Variants in GTF3C1 observed in about 807,000 individuals in gnomAD.
GTF3C1 encodes general transcription factor IIIC subunit 1.
In GTF3C1, 57 loss-of-function variants were observed where a neutral mutation model predicts 226.7. That is an observed-to-expected ratio of 0.25 (90% CI 0.20 to 0.31). The LOEUF is 0.31. Ranked by LOEUF, GTF3C1 falls within the 10% of genes least tolerant of loss-of-function variation. GTF3C1 has a pLI of 1.00. For missense variants in GTF3C1, 2,217 were observed against 2,776.1 expected (o/e 0.80, Z 4.53); for synonymous variants, 1,090 against 1,084.8 (o/e 1.00, Z -0.09).
Position 27,471,157 on chromosome 16 carries a change from C to T in GTF3C1, c.4526+591G>A, listed in dbSNP as rs866597847. Among the ~76,000 whole-genome samples, 5 of 152,136 alleles carry T rather than the reference C, an allele frequency of 3.3e-5. No homozygotes were observed. The highest frequency in any genetic ancestry group is 5.9e-5 in the Non-Finnish European group (4 of 68,034). On this transcript the variant is annotated intron_variant, in intron 30 of 36. Coordinates refer to ENST00000356183, the MANE Select transcript of GTF3C1 (RefSeq NM_001520.4). The surrounding 1 kb of genome is among the most constrained non-coding windows in gnomAD (Gnocchi z 5.0). ...CTGCAGCCCCGTGCAGACCTGAGTG[C>T]GGGGAAGGAGAATGGTGTGAAGGGG...
At chr16:27,505,374 G>C (rs1032489050) in intron 10 of GTF3C1, among the ~76,000 whole-genome samples, 5 of 152,184 alleles carry the variant, frequency 3.3e-5, no homozygotes, top group Non-Finnish European at 7.4e-5. Context: ...ATTTGGGCCA[G>C]GAAATTCTCT....
intron 6 of GTF3C1, among the ~76,000 whole-genome samples, chr16:27,519,689 G>A (rs1342020344): frequency 6.6e-6 from 1 of 152,048 alleles, no homozygotes; most frequent in Non-Finnish European, 1.5e-5. Context: ...GAAAAAGAAA[G>A]AGGGCAAGAG....
chr16:27,504,627 C>T (rs1371360382), intron 10 of GTF3C1, among the ~76,000 whole-genome samples: 1 of 152,146 alleles, frequency 6.6e-6, no homozygotes, highest in African/African-American at 2.4e-5. Context: ...CTGAATGAAA[C>T]AGCAGTGGCC....
At chr16:27,486,264 T>C (rs938627689) in intron 23 of GTF3C1, 110 bp from the exon 24 acceptor site, 2 of 635,220 alleles carry the variant, frequency 3.1e-6, no homozygotes, top group Non-Finnish European at 2.8e-6. Flanking sequence ...ACTAATGGTA[T>C]TGGTTAGCAG....
intron 34 of GTF3C1, 198 bp downstream of exon 34, chr16:27,464,122 G>A: frequency 2.2e-6 from 1 of 454,618 alleles, no homozygotes; most frequent in East Asian, 3.5e-5. Context: ...GGATGTGGGA[G>A]GCCTGCCCTC....
At chr16:27,539,329 A>G (rs940253359) in intron 2 of GTF3C1, among the ~76,000 whole-genome samples, 11 of 152,120 alleles carry the variant, frequency 7.2e-5, no homozygotes, top group African/African-American at 2.7e-4. Context: ...GAATGCACCA[A>G]AAGAGGCCAA....
intron 24 of GTF3C1, among the ~76,000 whole-genome samples, chr16:27,485,755 C>T (rs1434974149): frequency 6.6e-6 from 1 of 152,198 alleles, no homozygotes; most frequent in Non-Finnish European, 1.5e-5. Flanking sequence ...GGTGGGATCA[C>T]TTGAGGCCAG....
intron 8 of GTF3C1, among the ~76,000 whole-genome samples, chr16:27,508,306 T>C (rs540085005): frequency 1.3e-5 from 2 of 152,352 alleles, no homozygotes; most frequent in East Asian, 1.9e-4. Flanking sequence ...CCACCATGCC[T>C]GGCACTTTTC....
At chr16:27,549,616 GC>G in intron 1 of GTF3C1, 53 bp downstream of exon 1, 3 of 833,522 alleles carry the variant, frequency 3.6e-6, no homozygotes, top group Non-Finnish European at 3.8e-6. Context: ...AGCTCCATCA[GC>G]CCCCGGGCCC....
chr16:27,487,057 T>C (rs138079912), intron 23 of GTF3C1, among the ~76,000 whole-genome samples: 1,778 of 152,320 alleles, frequency 0.012, 13 homozygotes, highest in Non-Finnish European at 0.021. Flanking sequence ...CATATGCCAC[T>C]GCCAATCTCA....
rs113936730 is a variant in GTF3C1, at chr16:27,507,022, C to T, written c.1377G>A (p.Ala459=). The T allele has an allele frequency of 1.6e-5, 26 of 1,613,914 alleles. No individual in the cohort carries two copies. Among genetic ancestry groups the T allele is most frequent in the East Asian group, 1.3e-4 (6 of 44,868 alleles). Reference sequence around the variant, plus strand: ...GCAGAAGCGACTCCTCCTGCATAGACGCCAGGCTCACGGTGGTCAAGAGCT... The same window carrying T: ...GCAGAAGCGACTCCTCCTGCATAGATGCCAGGCTCACGGTGGTCAAGAGCT... ...RSELLTTVSL[A]SMQEESLLPE... is the part of the protein sequence containing the mutation. The change falls in exon 9 of 37, where the codon GCG becomes GCA. Residue 459 remains alanine, a synonymous_variant. Coordinates refer to ENST00000356183, the MANE Select transcript of GTF3C1 (RefSeq NM_001520.4). This position sits in a 1 kb window ranked among gnomAD's most constrained non-coding sequence, Gnocchi z 4.9.
In GTF3C1 at chr16:27,462,183, G is replaced by A. The variant is rs1444967767; in HGVS notation, c.6117+111C>T. 1 of 729,392 alleles carries A rather than the reference G, an allele frequency of 1.4e-6. No individual in the cohort carries two copies. The highest frequency in any genetic ancestry group is 2.3e-6 in the Non-Finnish European group (1 of 440,250). 45.2% of individuals were successfully genotyped at this position (729,392 alleles called of 1,614,324 possible). A position where few individuals can be genotyped will look rare whatever the true frequency, so the allele number is the denominator to read the frequency against. Reference sequence around the variant, plus strand: ...AGGACAAGCTGGGGGAGGAGGTGCAGGCAAGCAGTATGGTGGTACTGCATG... The same window carrying A: ...AGGACAAGCTGGGGGAGGAGGTGCAAGCAAGCAGTATGGTGGTACTGCATG... On this transcript the variant is annotated intron_variant, in intron 36 of 36. Transcript: ENST00000356183. The surrounding 1 kb of genome is among the most constrained non-coding windows in gnomAD (Gnocchi z 4.5).
At position 27,493,233 on chromosome 16, in the gene GTF3C1, G is replaced by T. The variant is rs1186297205; in HGVS notation, c.2842C>A (p.Pro948Thr). The change falls in exon 17 of 37, where the codon CCC (proline) becomes ACC (threonine). Residue 948 changes from proline (P) to threonine (T), a missense_variant. Around this residue, in one of 12 missense-constraint regions of GTF3C1, gnomAD observed 353 missense variants for 411.7 expected, o/e 0.86. Transcript: ENST00000356183. ...AGAAGCTGCTGCCGAATGGGCCTGGGGAGAAAGCGGATCAGCGTGTGCTTC... is the reference window on the plus strand; with the variant it reads ...AGAAGCTGCTGCCGAATGGGCCTGGTGAGAAAGCGGATCAGCGTGTGCTTC... ...LKKHTLIRFL[P>T]RPIRQQLLYK... 1 of 1,611,648 alleles carries T rather than the reference G, an allele frequency of 6.2e-7. No homozygotes were observed. The highest frequency in any genetic ancestry group is 8.5e-7 in the Non-Finnish European group (1 of 1,177,756).
intron 23 of GTF3C1, among the ~76,000 whole-genome samples, chr16:27,487,582 T>C (rs1396079492): frequency 6.6e-6 from 1 of 152,272 alleles, no homozygotes; most frequent in Non-Finnish European, 1.5e-5. Flanking sequence ...TCACTTGAGG[T>C]CAGGAGTTCC....
chr16:27,531,186 A>G (rs1194572648), intron 5 of GTF3C1, among the ~76,000 whole-genome samples: 1 of 152,208 alleles, frequency 6.6e-6, no homozygotes, highest in South Asian at 2.1e-4. Flanking sequence ...GCATAAGGCT[A>G]AAGTTTCAAG....
intron 25 of GTF3C1, 123 bp downstream of exon 25, chr16:27,484,088 C>T (rs1218772879): frequency 1.3e-6 from 1 of 746,190 alleles, no homozygotes; most frequent in Non-Finnish European, 2.4e-6. Flanking sequence ...CCCCAGCAGA[C>T]TCCAACACTT....
At chr16:27,493,561 C>T (rs1273421199) in intron 16 of GTF3C1, among the ~76,000 whole-genome samples, 9 of 152,062 alleles carry the variant, frequency 5.9e-5, no homozygotes, top group South Asian at 2.1e-4. Context: ...AAACCTTTCC[C>T]GGGGGCAACA....
At position 27,502,991 on chromosome 16, in the gene GTF3C1, C is replaced by A. The variant is rs1243227937; in HGVS notation, c.1775G>T (p.Ser592Ile). ...CCTCCCAGTCTTCAGGGAACTGCTA[C>A]TCTCCTAGAACAGAGACCGAAAGCA... ...EEVRMENPKE[S>I]SSSLKTGRHS... Residue 592 changes from serine (S) to isoleucine (I), a missense_variant, in exon 11 of 37, where the codon AGT becomes ATT. Around this residue, in one of 12 missense-constraint regions of GTF3C1, gnomAD observed 173 missense variants for 207.2 expected, o/e 0.83. Transcript: ENST00000356183. 6.2e-7 allele frequency: 1 copy of A among 1,612,712 alleles called. No individual in the cohort carries two copies. Among genetic ancestry groups the A allele is most frequent in the Non-Finnish European group, 8.5e-7 (1 of 1,178,714 alleles).
intron 26 of GTF3C1, 61 bp downstream of exon 26, chr16:27,482,983 C>CT: frequency 7.1e-7 from 1 of 1,407,762 alleles, no homozygotes; most frequent in Non-Finnish European, 1.0e-6. Flanking sequence ...GAGGAGCTGA[C>CT]TGAAGTCTAG....
Sources: allele counts gnomAD v4.1 joint callset (sites outside exome capture counted in the v4.1 genomes callset), GRCh38; gene constraint gnomAD v4.1.1; regional missense constraint gnomAD v4.1.1; non-coding constraint Gnocchi (gnomAD v3.1); transcripts MANE v1.5; gene names NCBI Gene and HGNC (gene_info 2026-07-23, HGNC 2026-07-21).